QKI: variants seen among roughly 807,000 people sequenced by gnomAD.
The protein encoded by QKI is QKI, KH domain containing RNA binding.
QKI carries 10 observed loss-of-function variants against 39.0 expected under a neutral mutation model. That is an observed-to-expected ratio of 0.26 (90% confidence interval 0.16 to 0.43). The LOEUF (loss-of-function observed/expected upper bound fraction) is 0.43. Ranked by LOEUF, QKI falls within the 20% of genes least tolerant of loss-of-function variation. The probability of loss-of-function intolerance (pLI) is 1.00; values close to 1 mark genes in which losing one functional copy is unlikely to be tolerated. For missense variants in QKI, 218 were observed against 428.0 expected (o/e 0.51, Z 4.33); for synonymous variants, 204 against 155.4 (o/e 1.31, Z -2.33).
chr6:163,548,970 T>A (rs1222062318), intron 4 of QKI, among the ~76,000 whole-genome samples: 1 of 152,208 alleles, frequency 6.6e-6, no homozygotes, highest in Non-Finnish European at 1.5e-5. Context: ...GAATTCTGAC[T>A]TGTATAACTG....
intron 1 of QKI, among the ~76,000 whole-genome samples, chr6:163,437,154 A>C (rs1306516399): frequency 6.6e-6 from 1 of 152,168 alleles, no homozygotes; most frequent in Non-Finnish European, 1.5e-5. Context: ...AATTATTTTA[A>C]CTCTAGTTCT....
intron 4 of QKI, among the ~76,000 whole-genome samples, chr6:163,540,349 A>G (rs559937769): frequency 6.6e-6 from 1 of 152,290 alleles, no homozygotes; most frequent in Non-Finnish European, 1.5e-5. Context: ...AATAAATCTG[A>G]TTAAAGATTG....
intron 4 of QKI, among the ~76,000 whole-genome samples, chr6:163,549,323 C>T (rs1782084406): frequency 1.3e-5 from 2 of 152,134 alleles, no homozygotes; most frequent in African/African-American, 2.4e-5. Flanking sequence ...TAGGAAAAGG[C>T]TTGTGAACAT....
chr6:163,532,970 T>TA (rs1487860247), intron 3 of QKI, among the ~76,000 whole-genome samples: 1 of 152,178 alleles, frequency 6.6e-6, no homozygotes, highest in Non-Finnish European at 1.5e-5. Context: ...AACTTGTTGA[T>TA]ACGTTTTGCC....
chr6:163,559,807 TAGAA>T (rs898933534), intron 4 of QKI, among the ~76,000 whole-genome samples: 13 of 152,212 alleles, frequency 8.5e-5, no homozygotes, highest in African/African-American at 1.9e-4. Flanking sequence ...ACAGCTATAA[TAGAA>T]AGGAGCACTG....
intron 1 of QKI, among the ~76,000 whole-genome samples, chr6:163,441,078 C>T (rs532069302): frequency 6.6e-6 from 1 of 152,172 alleles, no homozygotes; most frequent in East Asian, 1.9e-4. Context: ...TGATTGCAGT[C>T]CTTTTGTGCA....
chr6:163,522,439 G>A (rs1348557347), intron 3 of QKI, among the ~76,000 whole-genome samples: 1 of 152,142 alleles, frequency 6.6e-6, no homozygotes, highest in African/African-American at 2.4e-5. Flanking sequence ...TTGAGTCTGT[G>A]TTCTTTCCCC....
intron 2 of QKI, among the ~76,000 whole-genome samples, chr6:163,476,220 C>T (rs1041457799): frequency 3.4e-5 from 5 of 149,216 alleles, no homozygotes; most frequent in South Asian, 2.1e-4. Flanking sequence ...TTATACTATA[C>T]GGAGGATAAA....
intron 4 of QKI, among the ~76,000 whole-genome samples, chr6:163,558,055 C>A (rs758235145): frequency 6.6e-6 from 1 of 152,128 alleles, no homozygotes; most frequent in Non-Finnish European, 1.5e-5. Flanking sequence ...GTTGCTCATT[C>A]CCGATCAAGG....
At chr6:163,479,420 G>A (rs1256473628) in intron 3 of QKI, among the ~76,000 whole-genome samples, 1 of 152,322 alleles carries the variant, frequency 6.6e-6, no homozygotes, top group South Asian at 2.1e-4. Context: ...CACCCAGGCT[G>A]GAGTGCAGTG....
intron 3 of QKI, among the ~76,000 whole-genome samples, chr6:163,525,097 A>G (rs532724084): frequency 5.3e-4 from 80 of 152,098 alleles, no homozygotes; most frequent in Non-Finnish European, 1.0e-3. Context: ...CTTATTAACA[A>G]TTGTTTTGTT....
At chr6:163,466,895 G>T (rs561659662) in intron 2 of QKI, among the ~76,000 whole-genome samples, 25 of 152,230 alleles carry the variant, frequency 1.6e-4, no homozygotes, top group Admixed American at 1.6e-3. Context: ...AAGCTGACAT[G>T]CTTCTGCACA....
At chr6:163,481,938 G>C (rs1793104706) in intron 3 of QKI, among the ~76,000 whole-genome samples, 1 of 152,172 alleles carries the variant, frequency 6.6e-6, no homozygotes, top group Non-Finnish European at 1.5e-5. Context: ...TGTAATCTCA[G>C]CACTTTGGGA....
Position 163,478,774 on chromosome 6 carries a change from T to TC in QKI, c.286-5dup, listed in dbSNP as rs36093967. 6 of 1,567,116 alleles carry TC rather than the reference T, an allele frequency of 3.8e-6. No homozygotes were observed. The highest frequency in any genetic ancestry group is 5.2e-6 in the Non-Finnish European group (6 of 1,150,492). On this transcript the variant is annotated splice_region_variant and splice_polypyrimidine_tract_variant and intron_variant, in intron 2 of 7. Coordinates refer to ENST00000361752, the MANE Select transcript of QKI (RefSeq NM_006775.3). ...ATGTATAGTGATCCTTTTTTTTTTT[T>TC]CTCAGTTTAATTTTGTTGGGAGAAT...
At chr6:163,467,401 G>T (rs1791846917) in intron 2 of QKI, among the ~76,000 whole-genome samples, 1 of 152,182 alleles carries the variant, frequency 6.6e-6, no homozygotes, top group East Asian at 1.9e-4. Flanking sequence ...AAGCCTGACT[G>T]GCTGTTCTCA....
intron 3 of QKI, among the ~76,000 whole-genome samples, chr6:163,531,720 G>A (rs180976518): frequency 2.6e-5 from 4 of 152,134 alleles, no homozygotes; most frequent in Admixed American, 2.0e-4. Flanking sequence ...CCCCAGGCTG[G>A]CCTTGAACTC....
chr6:163,516,210 A>G (rs1737606), intron 3 of QKI, among the ~76,000 whole-genome samples: 119,651 of 152,152 alleles, frequency 0.79, 47,225 homozygotes, highest in East Asian at 1. Context: ...ACATACATAC[A>G]TTGTACCCCT....
chr6:163,470,065 A>G (rs748444164), intron 2 of QKI, among the ~76,000 whole-genome samples: 133 of 152,178 alleles, frequency 8.7e-4, no homozygotes, highest in Non-Finnish European at 1.5e-3. Context: ...GAGATTGTGA[A>G]TCAGCAAGAT....
intron 1 of QKI, among the ~76,000 whole-genome samples, chr6:163,432,829 A>T (rs1254415485): frequency 6.6e-6 from 1 of 152,230 alleles, no homozygotes; most frequent in Non-Finnish European, 1.5e-5. Context: ...GTAGTTTTAT[A>T]GGCTAGAATA....
Sources: gnomAD v4.1 joint callset for allele counts (sites outside exome capture counted in the v4.1 genomes callset) on GRCh38, gnomAD v4.1.1 for gene constraint, MANE v1.5 for transcripts, NCBI Gene and HGNC (gene_info 2026-07-23, HGNC 2026-07-21) for gene names.